CARMIL1: variants seen among roughly 807,000 people sequenced by gnomAD.
The protein encoded by CARMIL1 is capping protein regulator and myosin 1 linker 1, also known as F-actin-uncapping protein LRRC16A.
CARMIL1 carries 90 observed loss-of-function variants against 177.1 expected under a neutral mutation model. That is an observed-to-expected ratio of 0.51 (90% CI 0.43 to 0.61). The LOEUF (loss-of-function observed/expected upper bound fraction) is 0.61, where lower values mean the gene tolerates loss of function less well. Ranked by LOEUF, CARMIL1 falls within the 20% of genes least tolerant of loss-of-function variation. The probability of loss-of-function intolerance (pLI) is 0.00; values close to 1 mark genes in which losing one functional copy is unlikely to be tolerated. For missense variants in CARMIL1, 1,380 were observed against 1,667.0 expected (o/e 0.83, Z 3.00); for synonymous variants, 577 against 606.2 (o/e 0.95, Z 0.71).
intron 2 of CARMIL1, among the ~76,000 whole-genome samples, chr6:25,368,507 T>C (rs1337732612): frequency 2.0e-5 from 3 of 152,162 alleles, no homozygotes; most frequent in Admixed American, 1.3e-4. Flanking sequence ...TACATACAGA[T>C]CAATGTTTTC....
intron 36 of CARMIL1, among the ~76,000 whole-genome samples, chr6:25,614,041 A>G (rs1816699079): frequency 6.6e-6 from 1 of 152,202 alleles, no homozygotes; most frequent in Non-Finnish European, 1.5e-5. Context: ...CTTATGATAC[A>G]CTTCACAGCT....
At chr6:25,521,477 A>G (rs1582231340) in intron 23 of CARMIL1, among the ~76,000 whole-genome samples, 1 of 152,200 alleles carries the variant, frequency 6.6e-6, no homozygotes, top group Non-Finnish European at 1.5e-5. Context: ...TTACTTATCA[A>G]TAAAGAATGT....
In CARMIL1 at chr6:25,445,067, T is replaced by C. The variant is rs901103608; in HGVS notation, c.372-4831T>C. Reference sequence around the variant, plus strand: ...CCTGACTTTTTAATGATTGCCATTCTAACTGGCGTGAGATGGTATCTCATT... The same window carrying C: ...CCTGACTTTTTAATGATTGCCATTCCAACTGGCGTGAGATGGTATCTCATT... On this transcript the variant is annotated intron_variant, in intron 5 of 36. Coordinates refer to ENST00000329474, the MANE Select transcript of CARMIL1 (RefSeq NM_017640.6). Among the ~76,000 whole-genome samples, 4 of 152,248 alleles carry C rather than the reference T, an allele frequency of 2.6e-5. No homozygotes were observed. The East Asian group carries it at 7.7e-4, about 29-fold the overall frequency.
chr6:25,340,777 G>GTT (rs34928775), intron 2 of CARMIL1, among the ~76,000 whole-genome samples: 917 of 86,102 alleles, frequency 0.011, 49 homozygotes, highest in African/African-American at 0.027. Flanking sequence ...GTCAATGAAG[G>GTT]TTTTTTTTTT....
intron 1 of CARMIL1, among the ~76,000 whole-genome samples, chr6:25,283,072 A>AATAGG (rs1486222832): frequency 6.6e-6 from 1 of 152,242 alleles, no homozygotes; most frequent in Non-Finnish European, 1.5e-5. Flanking sequence ...CCAGGAGGAC[A>AATAGG]ATAGGGAAAG....
At chr6:25,520,780 C>T (rs527526069) in intron 23 of CARMIL1, among the ~76,000 whole-genome samples, 59 of 152,256 alleles carry the variant, frequency 3.9e-4, no homozygotes, top group African/African-American at 1.4e-3. Context: ...TAAATCTACA[C>T]CTATTCCTGC....
At chr6:25,471,434 G>T (rs1362671787) in intron 10 of CARMIL1, among the ~76,000 whole-genome samples, 177 bp downstream of exon 10, 1 of 151,618 alleles carries the variant, frequency 6.6e-6, no homozygotes, top group Non-Finnish European at 1.5e-5. Context: ...CTAAGAATTT[G>T]GTAACATCTC....
At chr6:25,400,284 A>G (rs1793779196) in intron 2 of CARMIL1, among the ~76,000 whole-genome samples, 1 of 152,182 alleles carries the variant, frequency 6.6e-6, no homozygotes, top group Non-Finnish European at 1.5e-5. Flanking sequence ...TAAGGCCTAT[A>G]AAGAAAGTCC....
At chr6:25,315,686 T>C (rs1784222014) in intron 2 of CARMIL1, among the ~76,000 whole-genome samples, 1 of 152,274 alleles carries the variant, frequency 6.6e-6, no homozygotes, top group South Asian at 2.1e-4. Context: ...GTCATATAAA[T>C]GAAGGAACCC....
intron 20 of CARMIL1, among the ~76,000 whole-genome samples, chr6:25,514,147 C>G (rs1239610178): frequency 6.6e-6 from 1 of 152,160 alleles, no homozygotes; most frequent in African/African-American, 2.4e-5. Flanking sequence ...CCATGCAAGA[C>G]AAACAAAACC....
At chr6:25,421,091 G>T (rs1194137794) in intron 3 of CARMIL1, among the ~76,000 whole-genome samples, 2 of 152,206 alleles carry the variant, frequency 1.3e-5, no homozygotes, top group Non-Finnish European at 2.9e-5. Context: ...AATCAAGGGA[G>T]GCTGGCTGCA....
At chr6:25,342,082 A>G (rs780635790) in intron 2 of CARMIL1, among the ~76,000 whole-genome samples, 1 of 152,222 alleles carries the variant, frequency 6.6e-6, no homozygotes, top group Non-Finnish European at 1.5e-5. Flanking sequence ...GCTAGTGGGC[A>G]GCCCACATTT....
chr6:25,550,534 C>T (rs1470364632), intron 26 of CARMIL1, among the ~76,000 whole-genome samples: 1 of 152,082 alleles, frequency 6.6e-6, no homozygotes, highest in Non-Finnish European at 1.5e-5. Context: ...TTACCTGTGA[C>T]TTTGTGTTCT....
At position 25,540,095 on chromosome 6, in the gene CARMIL1, A is replaced by T. The variant is rs760063418; in HGVS notation, c.2328+17A>T. On this transcript the variant is annotated intron_variant, in intron 26 of 36. Coordinates refer to ENST00000329474, the MANE Select transcript of CARMIL1 (RefSeq NM_017640.6). ...CAACTAAAGGTTTGTGGGGTTTGTT[A>T]TTTGGGAAATGAAATTGTTAATATT... The T allele has an allele frequency of 1.3e-6, 2 of 1,572,362 alleles. No individual in the cohort carries two copies. Among genetic ancestry groups the T allele is most frequent in the Non-Finnish European group, 1.7e-6 (2 of 1,164,912 alleles).
intron 25 of CARMIL1, among the ~76,000 whole-genome samples, chr6:25,539,657 TGAG>T (rs1423710585): frequency 3.0e-5 from 4 of 133,598 alleles, no homozygotes; most frequent in South Asian, 4.8e-4. Flanking sequence ...AAAAAAGACA[TGAG>T]GAGGTAATGT....
intron 23 of CARMIL1, among the ~76,000 whole-genome samples, chr6:25,522,456 A>G (rs966281209): frequency 6.6e-6 from 1 of 152,232 alleles, no homozygotes; most frequent in Non-Finnish European, 1.5e-5. Context: ...AAACTGGGGT[A>G]GGACTTAGCA....
intron 2 of CARMIL1, among the ~76,000 whole-genome samples, chr6:25,362,400 C>T (rs562462812): frequency 6.6e-5 from 10 of 152,210 alleles, no homozygotes; most frequent in Non-Finnish European, 1.0e-4. Flanking sequence ...ACGGGCCGGG[C>T]GTGGTGGCTC....
chr6:25,342,381 C>T (rs12192517), intron 2 of CARMIL1, among the ~76,000 whole-genome samples: 34,620 of 152,040 alleles, frequency 0.23, 4,045 homozygotes, highest in East Asian at 0.3. Context: ...CCTGCTTTCT[C>T]GCTGCTCTCT....
rs990981623 is a variant in CARMIL1 at position 25,556,554 on chromosome 6, G to A, written c.2593-147G>A. 1.9e-5 allele frequency: 12 copies of A among 622,026 alleles called. No individual in the cohort carries two copies. The African/African-American group carries it at 2.2e-4, about 12-fold the overall frequency. The allele number at this position is 622,026 out of a possible 1,614,324, so 38.5% of individuals were successfully genotyped here. ...AGATAATAAAAGGAGGTAAGTTACT[G>A]TACTGTGAATGTATTAAGAATTGTC... On this transcript the variant is annotated intron_variant, in intron 28 of 36. Coordinates refer to ENST00000329474, the MANE Select transcript of CARMIL1 (RefSeq NM_017640.6).
Sources: allele counts gnomAD v4.1 joint callset (sites outside exome capture counted in the v4.1 genomes callset), GRCh38; gene constraint gnomAD v4.1.1; transcripts MANE v1.5; gene names NCBI Gene and HGNC (gene_info 2026-07-23, HGNC 2026-07-21).